NEBL: variants seen among roughly 807,000 people sequenced by gnomAD.
NEBL encodes the protein LIM and SH3 protein 2.
Under a neutral mutation model 140.2 loss-of-function variants are expected in NEBL, and 122 were observed. The observed-to-expected ratio is 0.87, with a 90% CI of 0.75 to 1.01. The LOEUF is 1.01. Ranked by LOEUF, NEBL falls within the 50% of genes least tolerant of loss-of-function variation. The pLI, the probability that NEBL is intolerant of heterozygous loss-of-function variation, is 0.00. For synonymous variants in NEBL, 436 were observed against 398.9 expected (o/e 1.09, Z -1.11); for missense variants, 1,365 against 1,231.3 (o/e 1.11, Z -1.62).
intron 4 of NEBL, among the ~76,000 whole-genome samples, chr10:20,885,764 T>C (rs369889514): frequency 6.6e-6 from 1 of 152,310 alleles, no homozygotes; most frequent in African/African-American, 2.4e-5. Context: ...ACATATCAAG[T>C]GTTGGGTTGT....
At chr10:20,943,718 G>C (rs868781932) in intron 4 of NEBL, among the ~76,000 whole-genome samples, 3 of 152,154 alleles carry the variant, frequency 2.0e-5, no homozygotes, top group African/African-American at 7.2e-5. Flanking sequence ...CTTTTAACTA[G>C]GATCAAGTCC....
intron 24 of NEBL, among the ~76,000 whole-genome samples, chr10:20,812,444 G>A (rs142006176): frequency 0.012 from 1,750 of 151,398 alleles, 31 homozygotes; most frequent in East Asian, 0.089. Flanking sequence ...TACATTAGGT[G>A]TATCTCCTAA....
At chr10:21,138,822 T>TAAAA (rs60213612) in intron 2 of NEBL, among the ~76,000 whole-genome samples, 1 of 120,174 alleles carries the variant, frequency 8.3e-6, no homozygotes, top group Non-Finnish European at 1.8e-5. Flanking sequence ...CTAAACTATT[T>TAAAA]AAAAAAAAAA....
At chr10:20,818,151 G>C (rs1398595372) in intron 20 of NEBL, among the ~76,000 whole-genome samples, 1 of 152,160 alleles carries the variant, frequency 6.6e-6, no homozygotes. Context: ...AGGATAAACA[G>C]TGTTGAGCCT....
intron 3 of NEBL, among the ~76,000 whole-genome samples, chr10:21,208,468 C>T (rs1242512185): frequency 6.6e-6 from 1 of 152,160 alleles, no homozygotes; most frequent in Non-Finnish European, 1.5e-5. Context: ...GCTGAATATG[C>T]TAAAACTTGG....
chr10:20,794,387 C>T (rs1439906340), intron 26 of NEBL, among the ~76,000 whole-genome samples: 1 of 152,098 alleles, frequency 6.6e-6, no homozygotes, highest in East Asian at 1.9e-4. Context: ...TATAATGTAT[C>T]CTGTTTATAG....
At chr10:20,902,610 T>C (rs1847919341) in intron 4 of NEBL, among the ~76,000 whole-genome samples, 1 of 152,060 alleles carries the variant, frequency 6.6e-6, no homozygotes, top group Admixed American at 6.6e-5. Context: ...ACTCTGCTTA[T>C]AGAGGGGGCA....
chr10:21,030,480 A>G, intron 2 of NEBL: 1 of 769,070 alleles, frequency 1.3e-6, no homozygotes. Context: ...CAGCCCCAAA[A>G]GGTAATGCCA....
intron 2 of NEBL, among the ~76,000 whole-genome samples, chr10:21,088,861 G>A (rs1262567353): frequency 6.6e-6 from 1 of 152,178 alleles, no homozygotes; most frequent in Non-Finnish European, 1.5e-5. Flanking sequence ...CAGGGTTAAG[G>A]GAAGTCTTTC....
intron 2 of NEBL, among the ~76,000 whole-genome samples, chr10:21,142,714 T>C (rs1261757381): frequency 6.6e-6 from 1 of 152,202 alleles, no homozygotes; most frequent in African/African-American, 2.4e-5. Flanking sequence ...TTACTGCTAC[T>C]GCCTTCTGAG....
chr10:20,973,022 G>C (rs1433176531), intron 3 of NEBL, among the ~76,000 whole-genome samples: 2 of 152,014 alleles, frequency 1.3e-5, no homozygotes, highest in African/African-American at 4.8e-5. Flanking sequence ...TATTAGAAGT[G>C]TTGAAGAGTT....
intron 2 of NEBL, among the ~76,000 whole-genome samples, chr10:21,078,593 A>T (rs1441189061): frequency 6.6e-6 from 1 of 152,158 alleles, no homozygotes; most frequent in Non-Finnish European, 1.5e-5. Flanking sequence ...TGACCTGTAT[A>T]CACGTATGCA....
At chr10:21,189,211 G>C (rs1457788986) in intron 3 of NEBL, among the ~76,000 whole-genome samples, 1 of 151,980 alleles carries the variant, frequency 6.6e-6, no homozygotes, top group Non-Finnish European at 1.5e-5. Flanking sequence ...AAATGGCAAG[G>C]GTCCTCATAA....
At chr10:21,092,355 C>A (rs898416383) in intron 2 of NEBL, among the ~76,000 whole-genome samples, 2 of 152,072 alleles carry the variant, frequency 1.3e-5, no homozygotes, top group Non-Finnish European at 2.9e-5. Flanking sequence ...ATATAGAAGG[C>A]AGTTAGATTG....
intron 2 of NEBL, among the ~76,000 whole-genome samples, chr10:21,082,808 G>A (rs1465431013): frequency 7.8e-6 from 1 of 128,502 alleles, no homozygotes; most frequent in Non-Finnish European, 1.6e-5. Context: ...TGTCACCAAG[G>A]CTAGAATGCA....
chr10:20,964,311 T>A (rs1406575366), intron 3 of NEBL, among the ~76,000 whole-genome samples: 2 of 152,184 alleles, frequency 1.3e-5, no homozygotes, highest in African/African-American at 4.8e-5. Flanking sequence ...CATTTATTTG[T>A]GCTGCTATAA....
chr10:20,971,321 A>G (rs1381764733), intron 3 of NEBL, among the ~76,000 whole-genome samples: 2 of 152,198 alleles, frequency 1.3e-5, no homozygotes, highest in African/African-American at 4.8e-5. Flanking sequence ...AGCATTTAAT[A>G]ATTTGGACAA....
intron 4 of NEBL, among the ~76,000 whole-genome samples, chr10:20,883,169 A>T (rs1337979650): frequency 6.6e-6 from 1 of 152,194 alleles, no homozygotes; most frequent in African/African-American, 2.4e-5. Flanking sequence ...CACCTCCCAC[A>T]TGTTAAACAT....
intron 2 of NEBL, among the ~76,000 whole-genome samples, chr10:21,164,614 A>G (rs1042785877): frequency 6.6e-6 from 1 of 152,220 alleles, no homozygotes; most frequent in Non-Finnish European, 1.5e-5. Context: ...GAACTTACAC[A>G]TCAAAGGCAC....
Sources: allele counts gnomAD v4.1 joint callset (sites outside exome capture counted in the v4.1 genomes callset), GRCh38; gene constraint gnomAD v4.1.1; transcripts MANE v1.5; gene names NCBI Gene and HGNC (gene_info 2026-07-23, HGNC 2026-07-21).